The following LEPR variants were observed in gnomAD, a reference collection of about 807,000 sequenced individuals.
LEPR encodes the protein leptin receptor.
Under a neutral mutation model 114.7 loss-of-function variants are expected in LEPR, and 56 were observed. That is an observed-to-expected ratio of 0.49 (90% CI 0.39 to 0.61). The LOEUF (loss-of-function observed/expected upper bound fraction) is 0.61. Ranked by LOEUF, LEPR falls within the 20% of genes least tolerant of loss-of-function variation. The probability of loss-of-function intolerance (pLI) is 0.00; values close to 1 mark genes in which losing one functional copy is unlikely to be tolerated. For missense variants in LEPR, 1,202 were observed against 1,352.9 expected (o/e 0.89, Z 1.75); for synonymous variants, 443 against 461.4 (o/e 0.96, Z 0.51).
chr1:65,427,918 G>A (rs1646411812), intron 2 of LEPR: 1 of 190,648 alleles, frequency 5.2e-6, no homozygotes, highest in African/African-American at 2.3e-5. Context: ...TATCTTGATA[G>A]TGAACCAGGA....
At chr1:65,521,154 C>G (rs1429145927) in intron 2 of LEPR, among the ~76,000 whole-genome samples, 1 of 152,254 alleles carries the variant, frequency 6.6e-6, no homozygotes, top group Non-Finnish European at 1.5e-5. Flanking sequence ...CTGGTGTTAG[C>G]TCTGTTTAGA....
At chr1:65,625,133 A>G (rs1248506388) in intron 19 of LEPR, among the ~76,000 whole-genome samples, 2 of 152,194 alleles carry the variant, frequency 1.3e-5, no homozygotes, top group African/African-American at 4.8e-5. Context: ...AGATATATAT[A>G]TGTCGTTCAT....
chr1:65,526,492 T>C (rs1042624143), intron 2 of LEPR: 3 of 897,646 alleles, frequency 3.3e-6, no homozygotes, highest in Middle Eastern at 1.2e-3. Flanking sequence ...CTAGAACTTG[T>C]GTTTGCAAAC....
At chr1:65,608,318 C>T (rs905126906) in intron 11 of LEPR, among the ~76,000 whole-genome samples, 1 of 151,764 alleles carries the variant, frequency 6.6e-6, no homozygotes, top group African/African-American at 2.4e-5. Context: ...GCAAGCTTCA[C>T]CTCCCGGGTT....
intron 19 of LEPR, among the ~76,000 whole-genome samples, chr1:65,630,916 C>G (rs1254449446): frequency 6.6e-6 from 1 of 151,888 alleles, no homozygotes; most frequent in Non-Finnish European, 1.5e-5. Context: ...TTCTTCTATT[C>G]CCTGAATTCT....
chr1:65,435,694 A>G (rs1646552745), intron 2 of LEPR: 1 of 985,314 alleles, frequency 1.0e-6, no homozygotes, highest in Non-Finnish European at 1.2e-6. Context: ...AGTTTGCGAA[A>G]TCAGATTTTG....
Position 65,640,067 on chromosome 1 carries a change from G to A in LEPR, c.*3052G>A, listed in dbSNP as rs191601870. 4 of 152,142 alleles carry A rather than the reference G, an allele frequency of 2.6e-5. No homozygotes were observed. The highest frequency in any genetic ancestry group is 4.4e-5 in the Non-Finnish European group (3 of 67,992). 9.4% of individuals were successfully genotyped at this position (152,142 alleles called of 1,614,324 possible). On this transcript the variant is annotated 3_prime_UTR_variant, in exon 20 of 20. Transcript: ENST00000349533. ...AATAAGGTTTTATAACCTTAGGCAT[G>A]TCATTCTTCTACTTCTCATTTTTCC... is the stretch of plus-strand genomic sequence containing the variant.
intron 18 of LEPR, among the ~76,000 whole-genome samples, chr1:65,622,140 G>GT (rs960174327): frequency 1.3e-5 from 2 of 152,022 alleles, no homozygotes; most frequent in African/African-American, 4.8e-5. Context: ...GAAGAATTTA[G>GT]TTTTTTAAAA....
In LEPR at chr1:65,572,317, T is replaced by TTAAATTA; in HGVS notation, c.371-9_371-8insTAAATTA. On this transcript the variant is annotated splice_polypyrimidine_tract_variant and intron_variant, in intron 4 of 19. Transcript: ENST00000349533. ...TTTTTTTTTTTTTTTTTTTTTTTTT[T>TTAAATTA]AAATTCAGATGCAAACTGGAACATA... 1.6e-6 allele frequency: 2 copies of TTAAATTA among 1,223,874 alleles called. No homozygotes were observed. The highest frequency in any genetic ancestry group is 2.2e-6 in the Non-Finnish European group (2 of 903,832). The allele number at this position is 1,223,874 out of a possible 1,614,324, so 75.8% of individuals were successfully genotyped here.
intron 2 of LEPR, among the ~76,000 whole-genome samples, chr1:65,551,631 T>C (rs1652369987): frequency 6.6e-6 from 1 of 152,154 alleles, no homozygotes; most frequent in African/African-American, 2.4e-5. Context: ...TAGTGGTCTA[T>C]TTTGTTGATC....
intron 2 of LEPR, among the ~76,000 whole-genome samples, chr1:65,492,316 C>T (rs1178920326): frequency 6.6e-6 from 1 of 151,974 alleles, no homozygotes; most frequent in Non-Finnish European, 1.5e-5. Context: ...TTTAATTTTT[C>T]ATTACCGTTG....
chr1:65,461,427 G>A (rs572480639), intron 2 of LEPR, among the ~76,000 whole-genome samples: 8 of 152,282 alleles, frequency 5.3e-5, no homozygotes, highest in Admixed American at 2.6e-4. Context: ...ATCACACAAC[G>A]ATGGGGATAT....
At chr1:65,452,191 G>T (rs1178320544) in intron 2 of LEPR, among the ~76,000 whole-genome samples, 1 of 152,108 alleles carries the variant, frequency 6.6e-6, no homozygotes, top group Non-Finnish European at 1.5e-5. Flanking sequence ...GAGACAATGG[G>T]GTTTTCTAGA....
intron 2 of LEPR, chr1:65,435,510 G>A: frequency 2.7e-6 from 1 of 376,408 alleles, no homozygotes; most frequent in Non-Finnish European, 3.7e-6. Context: ...TGGGACTACA[G>A]GCTCCCGCCA....
intron 4 of LEPR, among the ~76,000 whole-genome samples, chr1:65,571,604 G>A (rs1286323759): frequency 6.7e-6 from 1 of 148,874 alleles, no homozygotes; most frequent in East Asian, 2.0e-4. Context: ...TGAGTGAGAT[G>A]TGCCTCCCTC....
At chr1:65,434,408 A>G in intron 2 of LEPR, 7 of 985,430 alleles carry the variant, frequency 7.1e-6, no homozygotes, top group Non-Finnish European at 8.4e-6. Context: ...AAAATTGGCC[A>G]CAAGTAAATA....
chr1:65,518,887 T>TTC (rs1557636175), intron 2 of LEPR, among the ~76,000 whole-genome samples: 8 of 83,986 alleles, frequency 9.5e-5, no homozygotes, highest in Non-Finnish European at 2.8e-5. Context: ...CTTTCTTTCT[T>TTC]TCTTTCTTTC....
chr1:65,581,920 A>C (rs150710673), intron 5 of LEPR, among the ~76,000 whole-genome samples: 2 of 152,340 alleles, frequency 1.3e-5, no homozygotes, highest in East Asian at 3.9e-4. Flanking sequence ...ACTGTTCTCC[A>C]GTTTCCAATA....
chr1:65,483,187 T>TTGTGTG (rs1381051855), intron 2 of LEPR, among the ~76,000 whole-genome samples: 1 of 151,528 alleles, frequency 6.6e-6, no homozygotes, highest in African/African-American at 2.4e-5. Context: ...TTGGAGAATG[T>TTGTGTG]TGTGTGTGTG....
Sources: allele counts gnomAD v4.1 joint callset (sites outside exome capture counted in the v4.1 genomes callset), GRCh38; gene constraint gnomAD v4.1.1; transcripts MANE v1.5; gene names NCBI Gene and HGNC (gene_info 2026-07-23, HGNC 2026-07-21).